The following RADX variants were observed in gnomAD, a reference collection of about 807,000 sequenced individuals.
RADX encodes RPA1 related single stranded DNA binding protein, X-linked, also known as RPA-related protein RADX.
A neutral mutation model predicts 61.6 loss-of-function variants in RADX; 36 were observed. The ratio of observed to expected loss-of-function variants is 0.58; its 90% confidence interval spans 0.45 to 0.77. RADX has a LOEUF of 0.77. Among genes scored for constraint, RADX ranks in the 30% least tolerant of loss-of-function variants. The pLI, the probability that RADX is intolerant of heterozygous loss-of-function variation, is 0.00. For missense variants in RADX, 497 were observed against 651.1 expected, an observed-to-expected ratio of 0.76 and a Z score of 2.58; for synonymous variants, 272 against 237.9, an observed-to-expected ratio of 1.14 and a Z score of -1.32.
At chrX:106,632,888 C>T (rs368813445) in intron 4 of RADX, 44 bp from the exon 5 acceptor site, 18 of 1,070,992 alleles carry the variant, frequency 1.7e-5, no homozygotes, top group Non-Finnish European at 2.3e-5. Context: ...TGCTTTTTCA[C>T]TGTTTAAAAA....
At chrX:106,664,807 C>G (rs1410545345) in intron 12 of RADX, among the ~76,000 whole-genome samples, 2 of 109,669 alleles carry the variant, frequency 1.8e-5, no homozygotes, top group African/African-American at 6.6e-5. Context: ...TCAGTCTACT[C>G]CATTCATAAG....
At position 106,678,136 on chromosome X, in the gene RADX, A is replaced by G; in HGVS notation, c.2446A>G (p.Ile816Val). The G allele has an allele frequency of 8.5e-7, 1 of 1,172,651 alleles. No individual in the cohort carries two copies. Among genetic ancestry groups the G allele is most frequent in the African/African-American group, 1.7e-5 (1 of 57,154 alleles). Residue 816 changes from isoleucine (I) to valine (V), a missense_variant, in exon 14 of 14, where the codon ATA (isoleucine) becomes GTA (valine). By Grantham distance (29) the Ile-to-Val change is conservative (BLOSUM62 3). Transcript: ENST00000372548. ...PGPRAVAGDIIKAATELDRVH... is the reference protein window; with the variant it reads ...PGPRAVAGDIVKAATELDRVH... ...CTGCTTTTTACTTTTAGGTGATATT[A>G]TAAAAGCAGCAACTGAACTGGATAG... is the stretch of plus-strand genomic sequence containing the variant.
chrX:106,615,152 G>A (rs1282234613), intron 1 of RADX, among the ~76,000 whole-genome samples: 6 of 112,318 alleles, frequency 5.3e-5, no homozygotes, highest in Non-Finnish European at 1.1e-4. Flanking sequence ...AAGGCAGGCC[G>A]TACTGCGGAG....
chrX:106,639,820 G>A (rs750633541), intron 9 of RADX, 133 bp downstream of exon 9: 8 of 497,928 alleles, frequency 1.6e-5, no homozygotes, highest in Non-Finnish European at 2.1e-5. Context: ...AAAACATTAG[G>A]TTGGTGCAAA....
intron 11 of RADX, among the ~76,000 whole-genome samples, chrX:106,661,372 G>GT (rs10550139): frequency 2.7e-3 from 234 of 85,725 alleles, no homozygotes; most frequent in South Asian, 8.7e-3. Context: ...TTTTTTTCTT[G>GT]TTTTTTTTTT....
chrX:106,638,385 C>T (rs1486378617), intron 8 of RADX: 1 of 111,179 alleles, frequency 9.0e-6, no homozygotes, highest in Non-Finnish European at 1.9e-5. Context: ...GCCTCAGCCT[C>T]CCATGTAGCT....
intron 7 of RADX, among the ~76,000 whole-genome samples, chrX:106,637,152 C>T (rs1032004531): frequency 9.0e-6 from 1 of 111,193 alleles, no homozygotes; most frequent in Non-Finnish European, 1.9e-5. Flanking sequence ...TAAAGAAAAA[C>T]GTTTCCAAAT....
chrX:106,669,073 G>A, intron 12 of RADX, 90 bp from the exon 13 acceptor site: 1 of 696,187 alleles, frequency 1.4e-6, no homozygotes, highest in Non-Finnish European at 2.3e-6. Context: ...AAGCTATCTG[G>A]AACATGTTGG....
At chrX:106,630,496 A>G (rs1927190135) in intron 3 of RADX, among the ~76,000 whole-genome samples, 1 of 111,599 alleles carries the variant, frequency 9.0e-6, no homozygotes, top group Non-Finnish European at 1.9e-5. Context: ...TTAATGTTGT[A>G]CTGGCTGTCC....
rs1368389874 is a variant in RADX, at chrX:106,678,616, T to C, written c.*358T>C. ...GCATCCTAACTTACAAGAGTAACTTTCCATGGACATTTAACATCCTTCCAA... is the reference window on the plus strand; with the variant it reads ...GCATCCTAACTTACAAGAGTAACTTCCCATGGACATTTAACATCCTTCCAA... On this transcript the variant is annotated 3_prime_UTR_variant, in exon 14 of 14. Coordinates refer to ENST00000372548, the MANE Select transcript of RADX (RefSeq NM_018015.6). The C allele has an allele frequency of 8.4e-6, 1 of 119,247 alleles. No individual in the cohort carries two copies. Among genetic ancestry groups the C allele is most frequent in the African/African-American group, 3.2e-5 (1 of 31,046 alleles). The allele number at this position is 119,247 out of a possible 1,213,427, so 9.8% of individuals were successfully genotyped here. A position where few individuals can be genotyped will look rare whatever the true frequency, so the allele number is the denominator to read the frequency against.
intron 8 of RADX, 119 bp from the exon 9 acceptor site, chrX:106,639,408 T>A (rs946786312): frequency 1.8e-6 from 1 of 554,973 alleles, no homozygotes; most frequent in African/African-American, 2.4e-5. Context: ...AAACACAGTG[T>A]CTCACAGTTA....
At chrX:106,678,097 A>G in intron 13 of RADX, 31 bp from the exon 14 acceptor site, 1 of 1,041,829 alleles carries the variant, frequency 9.6e-7, no homozygotes, top group Non-Finnish European at 1.3e-6. Flanking sequence ...TAACTATTTT[A>G]CAGTACTTAC....
rs779029874 is a variant in RADX at position 106,636,650 on chromosome X, G to A, written c.1408+3G>A. The A allele has an allele frequency of 1.9e-6, 2 of 1,038,883 alleles. No homozygotes were observed. The highest frequency in any genetic ancestry group is 2.3e-5 in the Admixed American group (1 of 43,550). 85.6% of individuals were successfully genotyped at this position (1,038,883 alleles called of 1,213,427 possible). ...TGAGAGTGGAGTGTTTATTACTGGTGAGTAATTTCTTTGTGTATATTATTA... is the reference window on the plus strand; with the variant it reads ...TGAGAGTGGAGTGTTTATTACTGGTAAGTAATTTCTTTGTGTATATTATTA... On this transcript the variant is annotated splice_donor_region_variant and intron_variant, in intron 7 of 13. Coordinates refer to ENST00000372548, the MANE Select transcript of RADX (RefSeq NM_018015.6).
chrX:106,665,760 G>T (rs924043682), intron 12 of RADX, among the ~76,000 whole-genome samples: 7 of 111,795 alleles, frequency 6.3e-5, no homozygotes, highest in Admixed American at 5.7e-4. Context: ...CTTATTCCTG[G>T]AGCCAAAAAT....
chrX:106,670,311 A>G (rs2147643477), intron 13 of RADX, among the ~76,000 whole-genome samples: 1 of 111,288 alleles, frequency 9.0e-6, no homozygotes, highest in South Asian at 3.8e-4. Context: ...CATGCAGCTT[A>G]AATATTTGTG....
intron 10 of RADX, among the ~76,000 whole-genome samples, chrX:106,647,583 G>C (rs962209650): frequency 2.7e-5 from 3 of 110,920 alleles, no homozygotes; most frequent in Non-Finnish European, 5.7e-5. Flanking sequence ...CTTCATAGTG[G>C]ATATACTAAT....
rs182967617 is a variant in RADX at position 106,635,270 on chromosome X, A to C, written c.1304-1273A>C. ...CTTTTGAAGAGTTGATGTTGTTATA[A>C]ATTTTCAGGTGAGAAAGCAAACTTC... On this transcript the variant is annotated intron_variant, in intron 6 of 13. Coordinates refer to ENST00000372548, the MANE Select transcript of RADX (RefSeq NM_018015.6). Among the ~76,000 whole-genome samples, 728 of 111,660 alleles carry C rather than the reference A, an allele frequency of 6.5e-3. 4 individuals are homozygous for C. Among genetic ancestry groups the C allele is most frequent in the African/African-American group, 0.022 (688 of 30,733 alleles).
intron 10 of RADX, among the ~76,000 whole-genome samples, chrX:106,641,128 GA>G (rs891325693): frequency 1.8e-5 from 2 of 110,091 alleles, no homozygotes; most frequent in African/African-American, 6.6e-5. Flanking sequence ...TGGATTAGGG[GA>G]CCACCCTAAT....
Position 106,669,399 on chromosome X carries a change from TTTA to T in RADX, c.2437+74_2437+76del, listed in dbSNP as rs1231775357. ...TTATAAACAGCCCTAGCCTTAAGATTTTATTATGTAAACAGTTTTAGCCTTAAA... is the reference window on the plus strand; with the variant it reads ...TTATAAACAGCCCTAGCCTTAAGATTTTATGTAAACAGTTTTAGCCTTAAA... On this transcript the variant is annotated intron_variant, in intron 13 of 13. Coordinates refer to ENST00000372548, the MANE Select transcript of RADX (RefSeq NM_018015.6). The T allele has an allele frequency of 6.9e-6, 5 of 728,331 alleles. No homozygotes were observed. In the East Asian group the frequency reaches 1.7e-4, roughly 24 times the overall value. The allele number at this position is 728,331 out of a possible 1,213,427, so 60.0% of individuals were successfully genotyped here.
Sources: allele counts gnomAD v4.1 joint callset (sites outside exome capture counted in the v4.1 genomes callset), GRCh38; gene constraint gnomAD v4.1.1; transcripts MANE v1.5; gene names NCBI Gene and HGNC (gene_info 2026-07-23, HGNC 2026-07-21).